Variants in RCL1 observed in about 807,000 individuals in gnomAD.
RCL1 encodes RNA terminal phosphate cyclase like 1.
Under a neutral mutation model 42.4 loss-of-function variants are expected in RCL1, and 24 were observed. The observed-to-expected ratio is 0.57, with a 90% CI of 0.41 to 0.80. RCL1 has a LOEUF of 0.80. RCL1 is among the 30% of genes least tolerant of loss of function. RCL1 has a pLI of 0.00. For synonymous variants in RCL1, 228 were observed against 177.3 expected, an observed-to-expected ratio of 1.29 and a Z score of -2.27; for missense variants, 578 against 467.9, an observed-to-expected ratio of 1.24 and a Z score of -2.17.
At chr9:4,804,323 G>A (rs1226057854) in intron 1 of RCL1, 1 of 152,518 alleles carries the variant, frequency 6.6e-6, no homozygotes, top group Non-Finnish European at 1.5e-5. Flanking sequence ...GTGCCCAGGT[G>A]GGCCTCTATG....
intron 1 of RCL1, among the ~76,000 whole-genome samples, chr9:4,821,429 A>G (rs946442519): frequency 1.3e-5 from 2 of 152,140 alleles, no homozygotes; most frequent in African/African-American, 4.8e-5. Context: ...CCTTTTGTAA[A>G]ATGGCATCTT....
At chr9:4,834,733 A>G (rs7868601) in intron 5 of RCL1, among the ~76,000 whole-genome samples, 8,134 of 152,178 alleles carry the variant, frequency 0.053, 287 homozygotes, top group African/African-American at 0.099. Context: ...GGCTGGAGTA[A>G]TCATAATGAA....
intron 1 of RCL1, among the ~76,000 whole-genome samples, chr9:4,806,552 C>T (rs903941756): frequency 6.7e-6 from 1 of 149,942 alleles, no homozygotes; most frequent in African/African-American, 2.5e-5. Flanking sequence ...AATATTGAAC[C>T]AGCCTTGCAT....
At chr9:4,856,584 G>A (rs1817970586) in intron 8 of RCL1, among the ~76,000 whole-genome samples, 2 of 152,140 alleles carry the variant, frequency 1.3e-5, no homozygotes, top group Non-Finnish European at 2.9e-5. Flanking sequence ...AGGGGACAGT[G>A]ATACATAAGC....
At chr9:4,825,990 G>T (rs1816747222) in intron 2 of RCL1, among the ~76,000 whole-genome samples, 1 of 151,926 alleles carries the variant, frequency 6.6e-6, no homozygotes, top group African/African-American at 2.4e-5. Context: ...AGCACTTTGG[G>T]AGGCTGAGGT....
In RCL1 at chr9:4,823,598, C is replaced by T. The variant is rs1305915945; in HGVS notation, c.187C>T (p.Arg63Ter). The change falls in exon 2 of 9, where the codon CGA becomes TGA. Residue 63 changes from arginine (R) to a stop codon, truncating the protein, a stop_gained. Transcript: ENST00000381750. LOFTEE classifies it high-confidence loss of function. The stretch of plus-strand genomic sequence containing the variant: ...ATTGGACAAAATAACGAATGGTTCT[C>T]GAATTGAAATAAACCAAACAGGTAA... ...RLLDKITNGS[R>*]IEINQTGTTL... The T allele has an allele frequency of 1.2e-6, 2 of 1,611,120 alleles. No homozygotes were observed. Among genetic ancestry groups the T allele is most frequent in the Non-Finnish European group, 8.5e-7 (1 of 1,178,662 alleles).
chr9:4,795,784 T>A (rs960717309), intron 1 of RCL1, among the ~76,000 whole-genome samples: 1 of 152,156 alleles, frequency 6.6e-6, no homozygotes, highest in Non-Finnish European at 1.5e-5. Context: ...CTCAGGAACA[T>A]TTATTTAGAA....
At chr9:4,839,825 A>G (rs1817254552) in intron 5 of RCL1, 7 of 984,420 alleles carry the variant, frequency 7.1e-6, no homozygotes, top group Non-Finnish European at 8.4e-6. Context: ...TTGAAGAGCA[A>G]GAACAAAATG....
At chr9:4,797,176 G>A (rs562360512) in intron 1 of RCL1, among the ~76,000 whole-genome samples, 2 of 152,148 alleles carry the variant, frequency 1.3e-5, no homozygotes, top group African/African-American at 4.8e-5. Flanking sequence ...TGTAAAGTGG[G>A]GCCAGTACTA....
At chr9:4,834,528 T>A (rs959722722) in intron 5 of RCL1, among the ~76,000 whole-genome samples, 1 of 151,314 alleles carries the variant, frequency 6.6e-6, no homozygotes, top group African/African-American at 2.4e-5. Context: ...GGCTCTGATG[T>A]ATGTGATCCT....
At position 4,844,549 on chromosome 9, in the gene RCL1, G is replaced by C; in HGVS notation, c.735G>C (p.Leu245=). The C allele has an allele frequency of 6.2e-7, 1 of 1,613,268 alleles. No individual in the cohort carries two copies. The highest frequency in any genetic ancestry group is 8.5e-7 in the Non-Finnish European group (1 of 1,179,618). Residue 245 remains leucine (L), a synonymous_variant, in exon 7 of 9, where the codon CTG becomes CTC. Coordinates refer to ENST00000381750, the MANE Select transcript of RCL1 (RefSeq NM_005772.5). ...SGKSPGFGLS[L]VAETTSGTFL... ...GGTCTCCGGGCTTTGGGTTGTCACT[G>C]GTTGCTGAGACCACCAGTGGCACCT...
chr9:4,802,815 A>AGTTTT (rs1257044589), intron 1 of RCL1, among the ~76,000 whole-genome samples: 5 of 152,164 alleles, frequency 3.3e-5, no homozygotes, highest in Admixed American at 6.5e-5. Flanking sequence ...AAAAATGGTA[A>AGTTTT]GTTTTGTTTT....
chr9:4,834,704 T>A (rs949244182), intron 5 of RCL1, among the ~76,000 whole-genome samples: 1 of 150,980 alleles, frequency 6.6e-6, no homozygotes, highest in Non-Finnish European at 1.5e-5. Context: ...TGGTCAATTT[T>A]GTCTGGAGGA....
intron 2 of RCL1, among the ~76,000 whole-genome samples, chr9:4,823,918 A>T (rs915855638): frequency 2.0e-5 from 3 of 152,118 alleles, no homozygotes; most frequent in African/African-American, 7.2e-5. Context: ...ATTTTAAAAA[A>T]TACCGTGTTC....
chr9:4,848,529 G>C lies in RCL1; in HGVS notation c.868-918G>C, dbSNP rs143843360. 3.0e-3 allele frequency among the ~76,000 whole-genome samples: 453 copies of C among 152,280 alleles called. 4 individuals are homozygous for C. The highest frequency in any genetic ancestry group is 0.01 in the African/African-American group (434 of 41,534). ...TCAGTCTAGCCTTGGATAGTAACGT[G>C]CCTTGGTCAGACTGGATTTCTAATT... is the stretch of plus-strand genomic sequence containing the variant. On this transcript the variant is annotated intron_variant, in intron 7 of 8. Coordinates refer to ENST00000381750, the MANE Select transcript of RCL1 (RefSeq NM_005772.5).
chr9:4,817,875 C>T (rs571404155), intron 1 of RCL1, among the ~76,000 whole-genome samples: 1 of 137,640 alleles, frequency 7.3e-6, no homozygotes, highest in Non-Finnish European at 1.6e-5. Context: ...TGTTTCATTT[C>T]TAAACTCTCA....
At position 4,851,888 on chromosome 9, in the gene RCL1, T is replaced by C. The variant is rs576782659; in HGVS notation, c.971+2338T>C. On this transcript the variant is annotated intron_variant, in intron 8 of 8. Transcript: ENST00000381750. ...GTAAGTCTGTATGTGTGAAACTCTT[T>C]TTTTTTTTTTGAGACAGAGTTTCGC... 1.8e-3 allele frequency among the ~76,000 whole-genome samples: 267 copies of C among 147,388 alleles called. 4 individuals carry two copies. Among genetic ancestry groups the C allele is most frequent in the African/African-American group, 6.1e-3 (245 of 40,086 alleles).
intron 7 of RCL1, among the ~76,000 whole-genome samples, 187 bp from the exon 8 acceptor site, chr9:4,849,260 C>G (rs1817630354): frequency 6.6e-6 from 1 of 151,348 alleles, no homozygotes; most frequent in Admixed American, 6.6e-5. Flanking sequence ...CTCTAATTAA[C>G]TGTTAGTTTA....
intron 2 of RCL1, among the ~76,000 whole-genome samples, chr9:4,825,407 G>C (rs190799798): frequency 1.2e-4 from 19 of 152,256 alleles, no homozygotes; most frequent in Admixed American, 1.2e-3. Flanking sequence ...TTGATCTAAA[G>C]GATGGTTTTG....
Sources: gnomAD v4.1 joint callset for allele counts (sites outside exome capture counted in the v4.1 genomes callset) on GRCh38, gnomAD v4.1.1 for gene constraint, MANE v1.5 for transcripts, NCBI Gene and HGNC (gene_info 2026-07-23, HGNC 2026-07-21) for gene names.